The following GNAO1 variants were observed in gnomAD, a reference collection of about 807,000 sequenced individuals.
The protein encoded by GNAO1 is guanine nucleotide-binding protein G(o) subunit alpha.
For missense variants in GNAO1, 166 were observed against 478.7 expected (o/e 0.35, Z 6.10); for synonymous variants, 164 against 180.7 (o/e 0.91, Z 0.74).
chr16:56,286,908 A>G (rs1223406935), intron 3 of GNAO1, among the ~76,000 whole-genome samples: 2 of 152,082 alleles, frequency 1.3e-5, no homozygotes, highest in Non-Finnish European at 2.9e-5. Context: ...GGAGGCCACC[A>G]GCCGCCCACA....
intron 3 of GNAO1, among the ~76,000 whole-genome samples, chr16:56,283,338 C>G (rs1368286047): frequency 6.6e-6 from 1 of 152,176 alleles, no homozygotes; most frequent in East Asian, 1.9e-4. Flanking sequence ...AAGATGGGTG[C>G]CAGCTGGGCT....
At chr16:56,250,127 A>C (rs1038593925) in intron 2 of GNAO1, among the ~76,000 whole-genome samples, 7 of 152,208 alleles carry the variant, frequency 4.6e-5, no homozygotes, top group Admixed American at 6.5e-5. Flanking sequence ...GTGGGGAGAA[A>C]AGCATGAGCA....
intron 6 of GNAO1, chr16:56,340,323 G>C (rs1286512185): frequency 1.3e-5 from 2 of 152,298 alleles, no homozygotes; most frequent in African/African-American, 4.8e-5. Flanking sequence ...ATTCCCTGGT[G>C]TCTGCTTCCA....
intron 2 of GNAO1, among the ~76,000 whole-genome samples, chr16:56,253,915 A>G (rs2036822447): frequency 6.6e-6 from 1 of 152,206 alleles, no homozygotes; most frequent in Non-Finnish European, 1.5e-5. Context: ...ATTCTAATTA[A>G]AAGTTGTATT....
In GNAO1 at chr16:56,305,666, AG is replaced by A. The variant is rs1768690320; in HGVS notation, c.304-22964del. ...TGATGGAGAGAGAACCCCAACTCCC[AG>A]CCCCAGGGAGAGCTCCACCTCAGGG... On this transcript the variant is annotated intron_variant, in intron 3 of 8. Coordinates refer to ENST00000262493, the MANE Select transcript of GNAO1 (RefSeq NM_020988.3). Among the ~76,000 whole-genome samples the A allele has an allele frequency of 1.3e-5, 2 of 152,166 alleles. 1 individual carries two copies. The highest frequency in any genetic ancestry group is 4.1e-4 in the South Asian group (2 of 4,824).
intron 6 of GNAO1, among the ~76,000 whole-genome samples, chr16:56,342,732 G>A (rs961017683): frequency 5.3e-5 from 8 of 152,240 alleles, no homozygotes; most frequent in East Asian, 1.9e-4. Flanking sequence ...CCCACAGGGT[G>A]TGCATCGACC....
At chr16:56,334,641 G>A (rs2037722646) in intron 4 of GNAO1, 88 bp from the exon 5 acceptor site, 2 of 1,427,868 alleles carry the variant, frequency 1.4e-6, no homozygotes, top group African/African-American at 1.4e-5. Flanking sequence ...CCCTGACCGA[G>A]ACTGGACTCT....
intron 2 of GNAO1, among the ~76,000 whole-genome samples, chr16:56,208,465 G>A (rs1349907422): frequency 1.7e-5 from 2 of 115,192 alleles, no homozygotes; most frequent in Non-Finnish European, 1.7e-5. Context: ...GCGCGCACGT[G>A]TGTGTGTGTG....
chr16:56,281,656 T>C (rs1368034720), intron 3 of GNAO1, among the ~76,000 whole-genome samples: 3 of 152,068 alleles, frequency 2.0e-5, no homozygotes, highest in Non-Finnish European at 4.4e-5. Context: ...ATGTAAATTG[T>C]CTTCACCTTC....
intron 2 of GNAO1, among the ~76,000 whole-genome samples, chr16:56,210,134 G>A (rs1224675746): frequency 6.6e-6 from 1 of 152,092 alleles, no homozygotes; most frequent in Non-Finnish European, 1.5e-5. Context: ...CACATAGTTG[G>A]AATCATACAG....
At chr16:56,337,836 A>C (rs1324926944) in intron 6 of GNAO1, among the ~76,000 whole-genome samples, 1 of 152,120 alleles carries the variant, frequency 6.6e-6, no homozygotes, top group Non-Finnish European at 1.5e-5. Flanking sequence ...CATGGCCCAC[A>C]GGGTCACTGG....
rs1360800353 is a variant in GNAO1 at position 56,192,366 on chromosome 16, G to A, written c.118+13G>A. 2.7e-6 allele frequency: 4 copies of A among 1,473,030 alleles called. No individual in the cohort carries two copies. Among genetic ancestry groups the A allele is most frequent in the East Asian group, 2.3e-5 (1 of 44,066 alleles). 91.2% of individuals were successfully genotyped at this position (1,473,030 alleles called of 1,614,324 possible). On this transcript the variant is annotated intron_variant, in intron 1 of 8. Transcript: ENST00000262493. ...TTACTCCTGCTCGGTAAGGACCGCC[G>A]CTGCTACCCCCATCCCCCGACCCCG...
chr16:56,247,189 G>A (rs1263870568), intron 2 of GNAO1, among the ~76,000 whole-genome samples: 1 of 152,168 alleles, frequency 6.6e-6, no homozygotes, highest in African/African-American at 2.4e-5. Context: ...GGCTGGCGCC[G>A]GCCATCCAGG....
At chr16:56,205,060 T>A (rs1276410750) in intron 2 of GNAO1, among the ~76,000 whole-genome samples, 1 of 152,180 alleles carries the variant, frequency 6.6e-6, no homozygotes, top group Non-Finnish European at 1.5e-5. Context: ...AGAACTCTAG[T>A]GCTAATTGAG....
At chr16:56,321,672 C>T (rs1287836366) in intron 3 of GNAO1, among the ~76,000 whole-genome samples, 1 of 152,010 alleles carries the variant, frequency 6.6e-6, no homozygotes, top group East Asian at 1.9e-4. Context: ...GCTCTGCTGC[C>T]GTAAAACAAG....
Position 56,325,889 on chromosome 16 carries a change from T to C in GNAO1, c.304-2742T>C, listed in dbSNP as rs553535927. Among the ~76,000 whole-genome samples, 14 of 152,334 alleles carry C rather than the reference T, an allele frequency of 9.2e-5. No homozygotes were observed. The East Asian group carries it at 2.7e-3, about 29-fold the overall frequency. On this transcript the variant is annotated intron_variant, in intron 3 of 8. Transcript: ENST00000262493. ...GTCTTCTTCATGGGTTGGGGGACGCTTGTCTCAGTGATACTAGCGACTCTG... is the reference window on the plus strand; with the variant it reads ...GTCTTCTTCATGGGTTGGGGGACGCCTGTCTCAGTGATACTAGCGACTCTG...
intron 2 of GNAO1, among the ~76,000 whole-genome samples, chr16:56,257,420 C>T (rs2036862343): frequency 1.3e-5 from 2 of 152,166 alleles, no homozygotes; most frequent in African/African-American, 4.8e-5. Context: ...CACTTCTTGG[C>T]AGCCAAGGCC....
chr16:56,323,312 A>G (rs1294635960), intron 3 of GNAO1, among the ~76,000 whole-genome samples: 3 of 152,284 alleles, frequency 2.0e-5, no homozygotes, highest in African/African-American at 7.2e-5. Context: ...AATACCAGAA[A>G]CTCTGGAAAT....
chr16:56,305,853 C>T (rs865868796), intron 3 of GNAO1, among the ~76,000 whole-genome samples: 8 of 152,192 alleles, frequency 5.3e-5, no homozygotes, highest in South Asian at 2.1e-4. Context: ...GCCTTCCCTC[C>T]GTGTGAGTCT....
Sources: gnomAD v4.1 joint callset for allele counts (sites outside exome capture counted in the v4.1 genomes callset) on GRCh38, gnomAD v4.1.1 for gene constraint, MANE v1.5 for transcripts, NCBI Gene and HGNC (gene_info 2026-07-23, HGNC 2026-07-21) for gene names.